The following LRPPRC variants were observed in gnomAD, a reference collection of about 807,000 sequenced individuals.
LRPPRC encodes the protein leucine-rich PPR motif-containing protein, mitochondrial.
In LRPPRC, 120 loss-of-function variants were observed where a neutral mutation model predicts 180.3. The observed-to-expected ratio is 0.67, with a 90% confidence interval of 0.57 to 0.77. LRPPRC has a LOEUF of 0.77. Among genes scored for constraint, LRPPRC ranks in the 30% least tolerant of loss-of-function variants. The pLI, the probability that LRPPRC is intolerant of heterozygous loss-of-function variation, is 0.00. For synonymous variants in LRPPRC, 723 were observed against 600.0 expected (o/e 1.21, Z -3.00); for missense variants, 2,012 against 1,657.2 (o/e 1.21, Z -3.72).
rs761577054 is a variant in LRPPRC at position 43,943,721 on chromosome 2, T to G, written c.2470A>C (p.Ile824Leu). Residue 824 changes from isoleucine (I) to leucine (L), a missense_variant, in exon 23 of 38, where the codon ATA (isoleucine) becomes CTA (leucine). Ile to Leu is a conservative substitution (Grantham distance 5). Coordinates refer to ENST00000260665, the MANE Select transcript of LRPPRC (RefSeq NM_133259.4). The part of the protein sequence containing the change: ...TLGLAEPSTN[I>L]SFPLVTVHLE... ...TGTACAGTGACCAATGGGAAACTTA[T>G]GTTGGTGGATGGTTCTGCTAACCCT... 2 of 1,613,454 alleles carry G rather than the reference T, an allele frequency of 1.2e-6. No individual in the cohort carries two copies. Among genetic ancestry groups the G allele is most frequent in the Non-Finnish European group, 8.5e-7 (1 of 1,179,416 alleles).
chr2:43,965,457 A>G (rs1208929208), intron 11 of LRPPRC, among the ~76,000 whole-genome samples: 2 of 152,220 alleles, frequency 1.3e-5, no homozygotes, highest in African/African-American at 4.8e-5. Flanking sequence ...ACTGGCCTTG[A>G]CAACGACTTT....
intron 11 of LRPPRC, 70 bp downstream of exon 11, chr2:43,973,537 T>C (rs537415413): frequency 7.7e-5 from 72 of 933,254 alleles, no homozygotes; most frequent in Middle Eastern, 2.1e-4. Context: ...AAGAATCCAA[T>C]TAGATGTGCG....
At chr2:43,956,603 AC>A (rs1489923208) in intron 14 of LRPPRC, among the ~76,000 whole-genome samples, 1 of 152,072 alleles carries the variant, frequency 6.6e-6, no homozygotes, top group Non-Finnish European at 1.5e-5. Flanking sequence ...AAAGGGTATT[AC>A]AGAGGATGGG....
chr2:43,913,787 C>T (rs527481631), intron 29 of LRPPRC, among the ~76,000 whole-genome samples: 2 of 152,172 alleles, frequency 1.3e-5, no homozygotes, highest in Non-Finnish European at 2.9e-5. Flanking sequence ...TTGTGAACAA[C>T]TGTATATTCC....
Position 43,947,837 on chromosome 2 carries a change from C to A in LRPPRC, c.1921-62G>T, listed in dbSNP as rs535182075. ...ACACACGTAAAAATACATCAGCAAA[C>A]ATCAAAAGCAAATTTGTAAGTCTCA... is the stretch of plus-strand genomic sequence containing the variant. On this transcript the variant is annotated intron_variant, in intron 18 of 37. Coordinates refer to ENST00000260665, the MANE Select transcript of LRPPRC (RefSeq NM_133259.4). 6 of 1,069,914 alleles carry A rather than the reference C, an allele frequency of 5.6e-6. 1 individual carries two copies. In the African/African-American group the frequency reaches 6.2e-5, roughly 11 times the overall value. The allele number at this position is 1,069,914 out of a possible 1,614,324, so 66.3% of individuals were successfully genotyped here.
intron 5 of LRPPRC, among the ~76,000 whole-genome samples, 179 bp from the exon 6 acceptor site, chr2:43,976,408 C>G (rs969589939): frequency 6.6e-6 from 1 of 152,118 alleles, no homozygotes; most frequent in Admixed American, 6.6e-5. Flanking sequence ...AAACCCCACT[C>G]TCTAATGTAT....
intron 27 of LRPPRC, among the ~76,000 whole-genome samples, chr2:43,921,207 G>A (rs959725830): frequency 2.0e-5 from 3 of 152,152 alleles, no homozygotes; most frequent in Admixed American, 6.5e-5. Context: ...CAGGAGAATC[G>A]CTTGAACTTG....
At chr2:43,950,490 A>C in intron 15 of LRPPRC, 83 bp downstream of exon 15, 1 of 1,227,188 alleles carries the variant, frequency 8.1e-7, no homozygotes, top group East Asian at 2.3e-5. Context: ...TATAGGTTTC[A>C]TGATAAAAAT....
At chr2:43,923,620 T>C (rs536765050) in intron 27 of LRPPRC, among the ~76,000 whole-genome samples, 2 of 152,256 alleles carry the variant, frequency 1.3e-5, no homozygotes, top group East Asian at 3.9e-4. Flanking sequence ...GACTTGGTGA[T>C]GGGGCTGACC....
At chr2:43,932,123 CAAAAA>C (rs746600862) in intron 25 of LRPPRC, among the ~76,000 whole-genome samples, 24 of 20,854 alleles carry the variant, frequency 1.2e-3, no homozygotes, top group East Asian at 2.1e-3. Flanking sequence ...GACCCTGTCT[CAAAAA>C]AAAAAAAAAA....
intron 36 of LRPPRC, among the ~76,000 whole-genome samples, chr2:43,890,705 C>T (rs1670460607): frequency 6.6e-6 from 1 of 152,186 alleles, no homozygotes. Flanking sequence ...AAGAGCGAGA[C>T]ACCATCTCAA....
intron 35 of LRPPRC, 76 bp from the exon 36 acceptor site, chr2:43,894,705 A>C: frequency 2.6e-6 from 2 of 779,990 alleles, no homozygotes; most frequent in Non-Finnish European, 4.6e-6. Flanking sequence ...AATCAACACT[A>C]TATTAAAAAT....
chr2:43,945,254 T>C, intron 22 of LRPPRC, 78 bp downstream of exon 22: 2 of 967,862 alleles, frequency 2.1e-6, no homozygotes, highest in Non-Finnish European at 3.4e-6. Flanking sequence ...GGACATGATA[T>C]CCATTAATAT....
chr2:43,918,219 C>T, intron 28 of LRPPRC, 37 bp downstream of exon 28: 1 of 1,607,884 alleles, frequency 6.2e-7, no homozygotes, highest in South Asian at 1.1e-5. Context: ...ATTATACTGA[C>T]AACAAAATCT....
chr2:43,912,526 G>C lies in LRPPRC; in HGVS notation c.3181C>G (p.Gln1061Glu), dbSNP rs1671301435. The change falls in exon 30 of 38, where the codon CAA becomes GAA. Residue 1061 changes from glutamine (Q) to glutamate (E), a missense_variant. By Grantham distance (29) the Gln-to-Glu change is conservative. Transcript: ENST00000260665. ...GTTTCAGCATTAAACACAATGTTTT[G>C]CTCTTTTGCATTCAGGAAAATATCA... Reference protein sequence around the residue: ...AYDIFLNAKEQNIVFNAETYS... With the variant: ...AYDIFLNAKEENIVFNAETYS... 6.2e-7 allele frequency: 1 copy of C among 1,605,972 alleles called. No individual in the cohort carries two copies. Among genetic ancestry groups the C allele is most frequent in the Non-Finnish European group, 8.5e-7 (1 of 1,172,928 alleles).
In LRPPRC at chr2:43,904,958, C is replaced by T. The variant is rs115700538; in HGVS notation, c.3364+734G>A. 3.8e-3 allele frequency among the ~76,000 whole-genome samples: 583 copies of T among 152,048 alleles called. 6 individuals are homozygous for T. Among genetic ancestry groups the T allele is most frequent in the African/African-American group, 0.013 (557 of 41,470 alleles). ...AAATTTAAGAGATTCGTCATAGTGC[C>T]CCTTGGGAGATCATTCATAAGACCT... On this transcript the variant is annotated intron_variant, in intron 31 of 37. Coordinates refer to ENST00000260665, the MANE Select transcript of LRPPRC (RefSeq NM_133259.4).
chr2:43,965,143 A>G (rs1673500137), intron 11 of LRPPRC, among the ~76,000 whole-genome samples: 1 of 152,188 alleles, frequency 6.6e-6, no homozygotes, highest in Non-Finnish European at 1.5e-5. Context: ...CTGGGATTAA[A>G]GGCGCACGTC....
intron 30 of LRPPRC, among the ~76,000 whole-genome samples, chr2:43,906,915 T>C (rs1224871646): frequency 6.6e-6 from 1 of 152,134 alleles, no homozygotes; most frequent in Non-Finnish European, 1.5e-5. Context: ...CAGTTTGACT[T>C]TTCTCCCTTT....
chr2:43,898,698 C>T (rs1055373416), intron 34 of LRPPRC, among the ~76,000 whole-genome samples: 4 of 152,104 alleles, frequency 2.6e-5, no homozygotes, highest in Admixed American at 6.6e-5. Context: ...CTGTGACACA[C>T]AAGTGAATAG....
Sources: allele counts gnomAD v4.1 joint callset (sites outside exome capture counted in the v4.1 genomes callset), GRCh38; gene constraint gnomAD v4.1.1; transcripts MANE v1.5; gene names NCBI Gene and HGNC (gene_info 2026-07-23, HGNC 2026-07-21).